C6: variants seen among roughly 807,000 people sequenced by gnomAD.
C6 encodes complement component C6.
Under a neutral mutation model 112.9 loss-of-function variants are expected in C6, and 101 were observed. The observed-to-expected ratio is 0.89, with a 90% CI of 0.76 to 1.06. C6 has a LOEUF of 1.06. C6 is among the 50% of genes least tolerant of loss of function. The pLI is 0.00. For synonymous variants in C6, 431 were observed against 384.1 expected (o/e 1.12, Z -1.43); for missense variants, 1,202 against 1,104.6 (o/e 1.09, Z -1.25).
At chr5:41,183,712 A>G (rs945444462) in intron 6 of C6, among the ~76,000 whole-genome samples, 1 of 152,222 alleles carries the variant, frequency 6.6e-6, no homozygotes, top group Non-Finnish European at 1.5e-5. Context: ...TCACAATAGC[A>G]AAGGCATAGA....
At chr5:41,226,529 C>T (rs561790458) in intron 1 of C6, among the ~76,000 whole-genome samples, 1 of 152,278 alleles carries the variant, frequency 6.6e-6, no homozygotes, top group African/African-American at 2.4e-5. Context: ...AGTCTCCATG[C>T]TATACAGTAG....
intron 1 of C6, among the ~76,000 whole-genome samples, chr5:41,230,790 T>C (rs4957380): frequency 1 from 152,189 of 152,246 alleles, 76,067 homozygotes; most frequent in Middle Eastern, 1. Flanking sequence ...GATGTCACCC[T>C]GGAGGCCCAG....
chr5:41,178,485 T>G (rs1303622615), intron 7 of C6, among the ~76,000 whole-genome samples: 1 of 56,924 alleles, frequency 1.8e-5, no homozygotes, highest in Non-Finnish European at 4.1e-5. Context: ...TTTTTTTTTT[T>G]TGTGAGATGG....
At chr5:41,255,116 C>T (rs6882368) in intron 1 of C6, among the ~76,000 whole-genome samples, 4,273 of 152,206 alleles carry the variant, frequency 0.028, 220 homozygotes, top group African/African-American at 0.097. Context: ...AATTCCAGCA[C>T]TTTGGGAGGC....
At chr5:41,236,322 T>G (rs1464875408) in intron 1 of C6, among the ~76,000 whole-genome samples, 2 of 144,520 alleles carry the variant, frequency 1.4e-5, no homozygotes, top group East Asian at 2.1e-4. Flanking sequence ...CAGCACCATT[T>G]ATTAAATAGG....
intron 15 of C6, among the ~76,000 whole-genome samples, chr5:41,151,574 A>T (rs1443920648): frequency 1.3e-5 from 2 of 152,216 alleles, no homozygotes; most frequent in Non-Finnish European, 2.9e-5. Flanking sequence ...TCAGTGGCGA[A>T]GTCTGTGCTA....
At chr5:41,244,715 A>ATT (rs10710295) in intron 1 of C6, among the ~76,000 whole-genome samples, 10,075 of 150,664 alleles carry the variant, frequency 0.067, 430 homozygotes, top group Middle Eastern at 0.11. Flanking sequence ...AGTCAAACAC[A>ATT]TTTTTTTTTT....
intron 1 of C6, among the ~76,000 whole-genome samples, chr5:41,229,919 G>A (rs914216667): frequency 4.6e-5 from 7 of 152,166 alleles, no homozygotes; most frequent in African/African-American, 1.7e-4. Context: ...CGAGGCAGAA[G>A]AATATAAATT....
intron 1 of C6, among the ~76,000 whole-genome samples, chr5:41,253,379 A>G (rs2150440360): frequency 6.6e-6 from 1 of 152,132 alleles, no homozygotes; most frequent in East Asian, 1.9e-4. Flanking sequence ...TTTTTATCTC[A>G]TAAATCTCTC....
chr5:41,219,838 G>C (rs10071904), intron 1 of C6, among the ~76,000 whole-genome samples: 5 of 152,032 alleles, frequency 3.3e-5, no homozygotes, highest in Non-Finnish European at 7.4e-5. Context: ...CCAGGAGAAA[G>C]GTTGTCTCAG....
At chr5:41,239,111 CTTTTTTTTT>C (rs34322889) in intron 1 of C6, among the ~76,000 whole-genome samples, 4 of 121,674 alleles carry the variant, frequency 3.3e-5, no homozygotes, top group Non-Finnish European at 6.6e-5. Flanking sequence ...TCTTTTCTTT[CTTTTTTTTT>C]TTTTTTTTTG....
intron 17 of C6, among the ~76,000 whole-genome samples, chr5:41,145,074 A>C (rs1745690968): frequency 6.6e-6 from 1 of 152,216 alleles, no homozygotes; most frequent in African/African-American, 2.4e-5. Context: ...TGATAGAATG[A>C]TTTATACCCC....
chr5:41,218,209 T>C (rs991239089), upstream of C6, among the ~76,000 whole-genome samples: 7 of 152,164 alleles, frequency 4.6e-5, no homozygotes, highest in African/African-American at 1.7e-4. Context: ...CTAAAAATTA[T>C]AAGAAATCCG....
rs562016482 is a variant in C6, at chr5:41,230,953, G to C, written c.-20-27703C>G. Among the ~76,000 whole-genome samples the C allele has an allele frequency of 4.1e-4, 62 of 152,190 alleles. 1 individual carries two copies. The highest frequency in any genetic ancestry group is 1.4e-3 in the African/African-American group (59 of 41,518). On this transcript the variant is annotated intron_variant, in intron 1 of 17. Coordinates refer to the C6 transcript ENST00000263413. ...TTTCTATTGTTATATCTTTTTGATG[G>C]ATTAACCACTTTATCATACAATAAA...
intron 15 of C6, among the ~76,000 whole-genome samples, chr5:41,151,400 T>C (rs1746379158): frequency 6.6e-6 from 1 of 152,174 alleles, no homozygotes; most frequent in Non-Finnish European, 1.5e-5. Flanking sequence ...TAAAAGAATA[T>C]ACATTAGTGC....
intron 1 of C6, among the ~76,000 whole-genome samples, chr5:41,240,657 G>A (rs1357743645): frequency 1.3e-5 from 2 of 152,252 alleles, no homozygotes; most frequent in South Asian, 2.1e-4. Flanking sequence ...AGCAGTGGTG[G>A]ACAGGGTGAG....
intron 1 of C6, among the ~76,000 whole-genome samples, chr5:41,258,305 G>A (rs1324967673): frequency 2.0e-5 from 3 of 152,190 alleles, no homozygotes; most frequent in Non-Finnish European, 4.4e-5. Flanking sequence ...TCTATATGAA[G>A]TGAAGAAGGA....
intron 1 of C6, among the ~76,000 whole-genome samples, chr5:41,218,661 T>C (rs1276444512): frequency 1.3e-5 from 2 of 152,120 alleles, no homozygotes; most frequent in Non-Finnish European, 2.9e-5. Flanking sequence ...ATTCTGCCCC[T>C]TGGACAAAGT....
chr5:41,256,381 A>T (rs1741700366), intron 1 of C6, among the ~76,000 whole-genome samples: 1 of 151,474 alleles, frequency 6.6e-6, no homozygotes, highest in Non-Finnish European at 1.5e-5. Flanking sequence ...ATACATATAT[A>T]ACTAACGTGC....
Sources: allele counts gnomAD v4.1 joint callset (sites outside exome capture counted in the v4.1 genomes callset), GRCh38; gene constraint gnomAD v4.1.1; transcripts MANE v1.5; gene names NCBI Gene and HGNC (gene_info 2026-07-23, HGNC 2026-07-21).